The following WWOX variants were observed in gnomAD, a reference collection of about 807,000 sequenced individuals.
WWOX encodes WW domain containing oxidoreductase, also known as WW domain-containing oxidoreductase.
A neutral mutation model predicts 46.2 loss-of-function variants in WWOX; 69 were observed. That is an observed-to-expected ratio of 1.49 (90% confidence interval 1.23 to 1.82). The LOEUF is 1.82. Among genes scored for constraint, WWOX ranks in the 40% most tolerant of loss-of-function variants. The probability of loss-of-function intolerance (pLI) is 0.00; values close to 1 mark genes in which losing one functional copy is unlikely to be tolerated. For synonymous variants in WWOX, 359 were observed against 202.6 expected (o/e 1.77, Z -6.56); for missense variants, 919 against 542.6 (o/e 1.69, Z -6.89).
chr16:79,057,145 A>G (rs2048278174), intron 8 of WWOX, among the ~76,000 whole-genome samples: 1 of 152,176 alleles, frequency 6.6e-6, no homozygotes, highest in South Asian at 2.1e-4. Context: ...TCTCTAACAC[A>G]CTGAGAGTCG....
intron 8 of WWOX, chr16:78,890,133 A>C (rs1396335363): frequency 2.0e-5 from 3 of 152,314 alleles, no homozygotes; most frequent in Admixed American, 6.5e-5. Flanking sequence ...ATTTTTTCCT[A>C]AACAACATCA....
intron 8 of WWOX, among the ~76,000 whole-genome samples, chr16:78,971,274 G>A (rs2046463259): frequency 6.6e-6 from 1 of 151,632 alleles, no homozygotes; most frequent in Non-Finnish European, 1.5e-5. Context: ...GACCAGCCTG[G>A]CCAACATGGT....
At chr16:78,351,151 G>T (rs958138603) in intron 5 of WWOX, among the ~76,000 whole-genome samples, 1 of 152,158 alleles carries the variant, frequency 6.6e-6, no homozygotes, top group African/African-American at 2.4e-5. Flanking sequence ...TTACAGTGCA[G>T]TGTGTGCTTT....
chr16:78,558,740 C>G (rs74950712), intron 8 of WWOX, among the ~76,000 whole-genome samples: 7,436 of 152,324 alleles, frequency 0.049, 243 homozygotes, highest in African/African-American at 0.094. Context: ...TGGCTTTGAT[C>G]AAGCTTGGAA....
rs781257323 is a variant in WWOX, at chr16:78,621,005, C to T, written c.1056+188253C>T. Among the ~76,000 whole-genome samples the T allele has an allele frequency of 1.6e-4, 24 of 152,166 alleles. 1 individual carries two copies. Among genetic ancestry groups the T allele is most frequent in the Non-Finnish European group, 2.9e-4 (20 of 68,038 alleles). Reference sequence around the variant, plus strand: ...ACATTGCAATTTCAAAATAATCCAACTCAAAGGCTGTTGAAAGGCTCCTTC... The same window carrying T: ...ACATTGCAATTTCAAAATAATCCAATTCAAAGGCTGTTGAAAGGCTCCTTC... On this transcript the variant is annotated intron_variant, in intron 8 of 8. Transcript: ENST00000566780.
intron 5 of WWOX, among the ~76,000 whole-genome samples, chr16:78,299,130 A>G (rs2079995295): frequency 1.3e-5 from 2 of 152,192 alleles, no homozygotes; most frequent in African/African-American, 4.8e-5. Flanking sequence ...TCTTATCAGT[A>G]TCTGAAGAAC....
chr16:78,676,319 C>A (rs553859379), intron 8 of WWOX, among the ~76,000 whole-genome samples: 1 of 151,954 alleles, frequency 6.6e-6, no homozygotes, highest in East Asian at 1.9e-4. Flanking sequence ...ACTTTGTCCC[C>A]TTTTGTTCCT....
At chr16:79,105,398 G>A (rs979564977) in intron 8 of WWOX, among the ~76,000 whole-genome samples, 7 of 152,050 alleles carry the variant, frequency 4.6e-5, no homozygotes, top group East Asian at 1.9e-4. Context: ...ACCCATGTAC[G>A]TATTCATACC....
intron 7 of WWOX, among the ~76,000 whole-genome samples, chr16:78,431,061 C>A (rs376851975): frequency 6.6e-6 from 1 of 152,276 alleles, no homozygotes; most frequent in East Asian, 1.9e-4. Context: ...CTTTGACAAA[C>A]ATGAGACTGT....
At chr16:78,976,848 AG>A in intron 8 of WWOX, among the ~76,000 whole-genome samples, 2 of 152,110 alleles carry the variant, frequency 1.3e-5, no homozygotes, top group African/African-American at 4.8e-5. Flanking sequence ...GCAAACATGG[AG>A]GGCAGAGGTT....
chr16:78,648,605 C>T (rs1028544611), intron 8 of WWOX, among the ~76,000 whole-genome samples: 2 of 152,198 alleles, frequency 1.3e-5, no homozygotes, highest in African/African-American at 2.4e-5. Context: ...ACTTCCAACG[C>T]AGGACCAACC....
chr16:78,246,793 T>C (rs2037828199), intron 5 of WWOX, among the ~76,000 whole-genome samples: 1 of 152,098 alleles, frequency 6.6e-6, no homozygotes, highest in Admixed American at 6.6e-5. Flanking sequence ...GTGTGTTTGG[T>C]GGGGAGTGAT....
intron 8 of WWOX, among the ~76,000 whole-genome samples, chr16:78,986,662 A>T (rs2046790525): frequency 1.3e-5 from 2 of 151,990 alleles, no homozygotes; most frequent in Non-Finnish European, 2.9e-5. Context: ...AATGGATCTG[A>T]CTCTTGAATT....
chr16:78,759,191 C>A (rs1027897634), intron 8 of WWOX, among the ~76,000 whole-genome samples: 3 of 152,032 alleles, frequency 2.0e-5, no homozygotes, highest in Admixed American at 6.6e-5. Flanking sequence ...GAAGATTACA[C>A]GGAGAAGTGT....
Position 78,357,330 on chromosome 16 carries a change from C to T in WWOX, c.517-29530C>T, listed in dbSNP as rs149335651. 5.0e-3 allele frequency among the ~76,000 whole-genome samples: 769 copies of T among 152,284 alleles called. 11 individuals are homozygous for T. The highest frequency in any genetic ancestry group is 0.01 in the Middle Eastern group (3 of 294). On this transcript the variant is annotated intron_variant, in intron 5 of 8. Transcript: ENST00000566780. ...TAGCATAGGTACTTACCTTTCTCAG[C>T]ACCACACAAACACACTCCAGAATGC...
chr16:78,133,638 C>A (rs1441501434), intron 4 of WWOX, among the ~76,000 whole-genome samples: 3 of 151,982 alleles, frequency 2.0e-5, no homozygotes, highest in African/African-American at 7.3e-5. Flanking sequence ...TCAGGTGATC[C>A]ACCCGCCTCG....
intron 8 of WWOX, among the ~76,000 whole-genome samples, chr16:79,069,048 G>C (rs2150561992): frequency 6.6e-6 from 1 of 152,206 alleles, no homozygotes; most frequent in South Asian, 2.1e-4. Context: ...ACTTGGTAGA[G>C]TCATTTGATC....
At chr16:78,565,513 C>G (rs542036858) in intron 8 of WWOX, among the ~76,000 whole-genome samples, 18 of 152,302 alleles carry the variant, frequency 1.2e-4, no homozygotes, top group Non-Finnish European at 4.4e-5. Flanking sequence ...CCTCATCTGG[C>G]CCTCTGGCCA....
chr16:78,230,876 C>G (rs1352879549), intron 5 of WWOX, among the ~76,000 whole-genome samples: 1 of 152,236 alleles, frequency 6.6e-6, no homozygotes, highest in African/African-American at 2.4e-5. Context: ...CTCCATGCCA[C>G]TCCTTATCTC....
Sources: allele counts gnomAD v4.1 joint callset (sites outside exome capture counted in the v4.1 genomes callset), GRCh38; gene constraint gnomAD v4.1.1; transcripts MANE v1.5; gene names NCBI Gene and HGNC (gene_info 2026-07-23, HGNC 2026-07-21).